The following TRAF3IP1 variants were observed in gnomAD, a reference collection of about 807,000 sequenced individuals.
TRAF3IP1 encodes intraflagellar transport 54, also known as TRAF3-interacting protein 1.
TRAF3IP1 carries 53 observed loss-of-function variants against 89.9 expected under a neutral mutation model. The ratio of observed to expected loss-of-function variants is 0.59; its 90% CI spans 0.47 to 0.74. TRAF3IP1 has a LOEUF of 0.74. TRAF3IP1 is among the 30% of genes least tolerant of loss of function. The pLI is 0.00. For missense variants in TRAF3IP1, 806 were observed against 866.1 expected, an observed-to-expected ratio of 0.93 and a Z score of 0.87; for synonymous variants, 311 against 322.1, an observed-to-expected ratio of 0.97 and a Z score of 0.37.
At chr2:238,386,887 C>T (rs183977747) in intron 15 of TRAF3IP1, among the ~76,000 whole-genome samples, 6 of 152,256 alleles carry the variant, frequency 3.9e-5, no homozygotes, top group African/African-American at 1.2e-4. Flanking sequence ...AGGCCATTCA[C>T]GTTTATCTGT....
chr2:238,362,745 G>A (rs532528489), intron 15 of TRAF3IP1, among the ~76,000 whole-genome samples: 3 of 152,348 alleles, frequency 2.0e-5, no homozygotes, highest in Admixed American at 2.0e-4. Context: ...AAACTAGAAC[G>A]TGTCAAATTT....
At chr2:238,326,384 A>G (rs1231464225) in intron 3 of TRAF3IP1, among the ~76,000 whole-genome samples, 1 of 151,760 alleles carries the variant, frequency 6.6e-6, no homozygotes, top group African/African-American at 2.4e-5. Context: ...CCTGGGTCTT[A>G]TGGGAGTCTC....
chr2:238,398,661 A>G lies in TRAF3IP1; in HGVS notation c.1911-93A>G. On this transcript the variant is annotated intron_variant, in intron 16 of 16. Coordinates refer to ENST00000373327, the MANE Select transcript of TRAF3IP1 (RefSeq NM_015650.4). ...ATCCTTTTCTTTGGATGAAACGAATAATTTACTTCTGTTGTCTTTCAATGT... is the reference window on the plus strand; with the variant it reads ...ATCCTTTTCTTTGGATGAAACGAATGATTTACTTCTGTTGTCTTTCAATGT... The G allele has an allele frequency of 3.0e-6, 4 of 1,317,464 alleles. 1 individual carries two copies. The highest frequency in any genetic ancestry group is 4.0e-5 in the South Asian group (2 of 50,544). The allele number at this position is 1,317,464 out of a possible 1,614,324, so 81.6% of individuals were successfully genotyped here.
intron 15 of TRAF3IP1, among the ~76,000 whole-genome samples, chr2:238,383,387 C>G (rs1700628813): frequency 6.6e-6 from 1 of 152,154 alleles, no homozygotes; most frequent in African/African-American, 2.4e-5. Context: ...GTGGTGCTGT[C>G]CAGCATAGGC....
rs972807771 is a variant in TRAF3IP1, at chr2:238,345,599, T to C, written c.1261+1001T>C. On this transcript the variant is annotated intron_variant, in intron 9 of 16. Coordinates refer to ENST00000373327, the MANE Select transcript of TRAF3IP1 (RefSeq NM_015650.4). This position sits in a 1 kb window ranked among gnomAD's most constrained non-coding sequence, Gnocchi z 4.7. ...ATATTTAGATTTTAAAGAGTGGCCA[T>C]GTTAATTAGGGAGGGTTAAAGATTG... 1.3e-5 allele frequency among the ~76,000 whole-genome samples: 2 copies of C among 151,986 alleles called. No individual in the cohort carries two copies. Among genetic ancestry groups the C allele is most frequent in the Admixed American group, 1.3e-4 (2 of 15,270 alleles).
At chr2:238,378,708 C>T (rs1453457727) in intron 15 of TRAF3IP1, among the ~76,000 whole-genome samples, 2 of 151,930 alleles carry the variant, frequency 1.3e-5, no homozygotes, top group African/African-American at 4.8e-5. Flanking sequence ...TTTCCTGGGC[C>T]CTAGAACAGT....
At chr2:238,333,340 T>C (rs905624037) in intron 6 of TRAF3IP1, among the ~76,000 whole-genome samples, 2 of 152,088 alleles carry the variant, frequency 1.3e-5, no homozygotes, top group African/African-American at 4.8e-5. Context: ...AAGCTCATCA[T>C]CTCCACGTGG....
intron 15 of TRAF3IP1, among the ~76,000 whole-genome samples, chr2:238,384,350 ATG>A (rs1225208647): frequency 8.1e-6 from 1 of 124,148 alleles, no homozygotes; most frequent in African/African-American, 3.0e-5. Flanking sequence ...GTATGTATGT[ATG>A]TATGTATGTA....
chr2:238,367,447 T>C (rs1304377400), intron 15 of TRAF3IP1, among the ~76,000 whole-genome samples: 1 of 152,118 alleles, frequency 6.6e-6, no homozygotes, highest in East Asian at 1.9e-4. Context: ...TAAAATCTGT[T>C]AGTCATTAGG....
chr2:238,344,961 A>G (rs1237207028), intron 9 of TRAF3IP1, among the ~76,000 whole-genome samples: 2 of 152,122 alleles, frequency 1.3e-5, no homozygotes. Flanking sequence ...TGTGGCCACC[A>G]TGATTTTTCT....
At chr2:238,365,805 T>C (rs896126053) in intron 15 of TRAF3IP1, among the ~76,000 whole-genome samples, 1 of 152,176 alleles carries the variant, frequency 6.6e-6, no homozygotes, top group South Asian at 2.1e-4. Context: ...TGTTTGTTTC[T>C]TAGAGGTTTT....
At position 238,351,857 on chromosome 2, in the gene TRAF3IP1, G is replaced by A. The variant is rs1699174809; in HGVS notation, c.1452-970G>A. On this transcript the variant is annotated intron_variant, in intron 12 of 16. Coordinates refer to ENST00000373327, the MANE Select transcript of TRAF3IP1 (RefSeq NM_015650.4). This position sits in a 1 kb window ranked among gnomAD's most constrained non-coding sequence, Gnocchi z 5.2. ...TTGGTGTGTGTGTGTGTGTGTGTGT[G>A]TGTGTGTGTGCGCGCGCGCGCGTGT... 9.1e-6 allele frequency among the ~76,000 whole-genome samples: 1 copy of A among 110,148 alleles called. No individual in the cohort carries two copies. Among genetic ancestry groups the A allele is most frequent in the Non-Finnish European group, 1.7e-5 (1 of 57,364 alleles). 72.3% of individuals were successfully genotyped at this position (110,148 alleles called of 152,430 possible).
intron 8 of TRAF3IP1, 117 bp downstream of exon 8, chr2:238,338,574 C>CT: frequency 1.7e-6 from 1 of 577,710 alleles, no homozygotes; most frequent in Non-Finnish European, 2.9e-6. Flanking sequence ...GTTCATGAGA[C>CT]TTTTTCATGA....
intron 15 of TRAF3IP1, among the ~76,000 whole-genome samples, chr2:238,367,033 A>G (rs1361077378): frequency 6.6e-6 from 1 of 151,730 alleles, no homozygotes; most frequent in African/African-American, 2.4e-5. Context: ...GCGTGGTGGC[A>G]CGTGCCTGTA....
intron 15 of TRAF3IP1, among the ~76,000 whole-genome samples, chr2:238,366,060 A>G (rs1056195618): frequency 1.3e-5 from 2 of 152,134 alleles, no homozygotes; most frequent in Admixed American, 6.5e-5. Flanking sequence ...CCTGGCTAAT[A>G]TGGTGAAATC....
At chr2:238,344,818 TGTAA>T (rs993297541) in intron 9 of TRAF3IP1, 52 of 653,290 alleles carry the variant, frequency 8.0e-5, no homozygotes, top group African/African-American at 3.6e-4. Context: ...CCCCGTGCTC[TGTAA>T]GTGAGAGGAG....
chr2:238,389,135 G>T (rs1023129936), intron 15 of TRAF3IP1, among the ~76,000 whole-genome samples: 1 of 152,122 alleles, frequency 6.6e-6, no homozygotes, highest in African/African-American at 2.4e-5. Context: ...ATCCAGCAGC[G>T]GGGCAGGGCA....
intron 7 of TRAF3IP1, among the ~76,000 whole-genome samples, chr2:238,337,727 A>AG (rs1698452132): frequency 6.6e-6 from 1 of 152,034 alleles, no homozygotes; most frequent in African/African-American, 2.4e-5. Flanking sequence ...TCATTGTGGG[A>AG]GGGGTCTGGG....
chr2:238,384,253 A>C (rs1478355668), intron 15 of TRAF3IP1, among the ~76,000 whole-genome samples: 1 of 152,040 alleles, frequency 6.6e-6, no homozygotes, highest in African/African-American at 2.4e-5. Flanking sequence ...CACGGCTGAC[A>C]ACAGTTGCCT....
Sources: allele counts gnomAD v4.1 joint callset (sites outside exome capture counted in the v4.1 genomes callset), GRCh38; gene constraint gnomAD v4.1.1; non-coding constraint Gnocchi (gnomAD v3.1); transcripts MANE v1.5; gene names NCBI Gene and HGNC (gene_info 2026-07-23, HGNC 2026-07-21).